The following NTNG1 variants were observed in gnomAD, a reference collection of about 807,000 sequenced individuals.
NTNG1 encodes the protein netrin G1.
A neutral mutation model predicts 54.0 loss-of-function variants in NTNG1; 16 were observed. The observed-to-expected ratio is 0.30, with a 90% CI of 0.20 to 0.45. The LOEUF is 0.45. Among genes scored for constraint, NTNG1 ranks in the 20% least tolerant of loss-of-function variants. The pLI is 1.00. For synonymous variants in NTNG1, 255 were observed against 263.1 expected, an observed-to-expected ratio of 0.97 and a Z score of 0.30; for missense variants, 530 against 678.7, an observed-to-expected ratio of 0.78 and a Z score of 2.43.
chr1:107,338,264 G>C (rs1668700970), intron 3 of NTNG1, among the ~76,000 whole-genome samples: 1 of 151,978 alleles, frequency 6.6e-6, no homozygotes, highest in South Asian at 2.1e-4. Context: ...AAGTAGGTTT[G>C]CCCCTAACAT....
chr1:107,376,553 A>G (rs572422842), intron 3 of NTNG1, among the ~76,000 whole-genome samples: 1 of 152,316 alleles, frequency 6.6e-6, no homozygotes, highest in East Asian at 1.9e-4. Flanking sequence ...AAACCCTGTG[A>G]GGAGCCTGAG....
At chr1:107,355,244 C>T (rs1669866486) in intron 3 of NTNG1, among the ~76,000 whole-genome samples, 1 of 151,288 alleles carries the variant, frequency 6.6e-6, no homozygotes. Context: ...AAAGTCTTTA[C>T]AGGTCTAGTC....
chr1:107,482,448 T>A lies in NTNG1; in HGVS notation c.*1608T>A, dbSNP rs1034788576. On this transcript the variant is annotated 3_prime_UTR_variant, in exon 8 of 8. Coordinates refer to ENST00000370068, the MANE Select transcript of NTNG1 (RefSeq NM_001113226.3). Reference sequence around the variant, plus strand: ...TTGTTTCTGCCTTTTATTAGGCCAATTACTGTGCAAGACAGCAAGGGGAGG... The same window carrying A: ...TTGTTTCTGCCTTTTATTAGGCCAAATACTGTGCAAGACAGCAAGGGGAGG... 2 of 152,222 alleles carry A rather than the reference T, an allele frequency of 1.3e-5. No homozygotes were observed. The highest frequency in any genetic ancestry group is 2.9e-5 in the Non-Finnish European group (2 of 68,036). The allele number at this position is 152,222 out of a possible 1,614,324, so 9.4% of individuals were successfully genotyped here.
chr1:107,429,218 A>T (rs1473984716), intron 5 of NTNG1, among the ~76,000 whole-genome samples: 1 of 152,040 alleles, frequency 6.6e-6, no homozygotes, highest in Non-Finnish European at 1.5e-5. Flanking sequence ...ACTCTTCACC[A>T]TTTGAGTATC....
chr1:107,370,825 C>T (rs1205024244), intron 3 of NTNG1, among the ~76,000 whole-genome samples: 2 of 151,860 alleles, frequency 1.3e-5, no homozygotes, highest in Non-Finnish European at 2.9e-5. Context: ...CAAATTTAAT[C>T]GTAAGTATTT....
chr1:107,142,422 T>C (rs59657477), intron 1 of NTNG1, among the ~76,000 whole-genome samples: 2,419 of 152,092 alleles, frequency 0.016, 67 homozygotes, highest in African/African-American at 0.054. Flanking sequence ...AAGTCGCAGG[T>C]TGAGCTCCTA....
intron 3 of NTNG1, among the ~76,000 whole-genome samples, chr1:107,349,897 G>A (rs1669499665): frequency 6.6e-6 from 1 of 151,952 alleles, no homozygotes; most frequent in African/African-American, 2.4e-5. Flanking sequence ...AGAAATTTTT[G>A]GTACATGTGT....
intron 3 of NTNG1, among the ~76,000 whole-genome samples, chr1:107,394,471 G>A (rs182906912): frequency 6.8e-4 from 103 of 152,078 alleles, no homozygotes; most frequent in African/African-American, 2.4e-3. Flanking sequence ...TTTAATTAGA[G>A]TCATTTGGCC....
chr1:107,425,335 A>G (rs886623096), intron 5 of NTNG1, among the ~76,000 whole-genome samples: 1 of 151,942 alleles, frequency 6.6e-6, no homozygotes, highest in African/African-American at 2.4e-5. Flanking sequence ...CAACCCTCAA[A>G]CATCCCCCAT....
At chr1:107,435,832 T>C (rs1675561930) in intron 6 of NTNG1, among the ~76,000 whole-genome samples, 1 of 152,182 alleles carries the variant, frequency 6.6e-6, no homozygotes, top group South Asian at 2.1e-4. Context: ...CTACCTGCAC[T>C]ATCTTTCCAG....
intron 2 of NTNG1, among the ~76,000 whole-genome samples, chr1:107,314,663 T>G (rs1385953472): frequency 6.6e-6 from 1 of 152,180 alleles, no homozygotes; most frequent in African/African-American, 2.4e-5. Flanking sequence ...AAATATATGA[T>G]CTGCAGCCTG....
chr1:107,183,048 A>G (rs1336284638), intron 2 of NTNG1, among the ~76,000 whole-genome samples: 3 of 152,200 alleles, frequency 2.0e-5, no homozygotes, highest in African/African-American at 7.2e-5. Flanking sequence ...ACATTGTTTC[A>G]TCAACACAGG....
intron 7 of NTNG1, among the ~76,000 whole-genome samples, chr1:107,443,539 G>A (rs1462342111): frequency 1.3e-5 from 2 of 152,056 alleles, no homozygotes; most frequent in African/African-American, 2.4e-5. Flanking sequence ...CGCCTAACTT[G>A]TAATTTTTCA....
intron 5 of NTNG1, among the ~76,000 whole-genome samples, chr1:107,419,522 G>A (rs1674445040): frequency 6.6e-6 from 1 of 151,316 alleles, no homozygotes; most frequent in Non-Finnish European, 1.5e-5. Context: ...GCAGTGTAAT[G>A]TTAAATTTAT....
intron 2 of NTNG1, among the ~76,000 whole-genome samples, chr1:107,305,978 G>A (rs1393944232): frequency 6.6e-6 from 1 of 151,902 alleles, no homozygotes; most frequent in East Asian, 1.9e-4. Context: ...CCCTTTCCTG[G>A]ACTACTGCTG....
At chr1:107,178,639 A>G (rs1656830129) in intron 2 of NTNG1, among the ~76,000 whole-genome samples, 1 of 151,974 alleles carries the variant, frequency 6.6e-6, no homozygotes, top group South Asian at 2.1e-4. Flanking sequence ...TTTCTATTTT[A>G]CTCTCACCTT....
intron 4 of NTNG1, among the ~76,000 whole-genome samples, chr1:107,402,473 T>C (rs1047245070): frequency 1.3e-5 from 2 of 152,144 alleles, no homozygotes; most frequent in Non-Finnish European, 2.9e-5. Context: ...TCTTCAGATA[T>C]GCTAACATGG....
chr1:107,278,021 C>T (rs72699348), intron 2 of NTNG1, among the ~76,000 whole-genome samples: 6,031 of 152,246 alleles, frequency 0.04, 128 homozygotes, highest in Non-Finnish European at 0.052. Flanking sequence ...ATTAAAAACA[C>T]GTGATTGGTT....
Position 107,482,115 on chromosome 1 carries a change from G to A in NTNG1, c.*1275G>A, listed in dbSNP as rs536086258. 1.4e-5 allele frequency: 2 copies of A among 144,678 alleles called. No homozygotes were observed. Among genetic ancestry groups the A allele is most frequent in the Non-Finnish European group, 3.0e-5 (2 of 66,758 alleles). The allele number at this position is 144,678 out of a possible 1,614,324, so 9.0% of individuals were successfully genotyped here. On this transcript the variant is annotated 3_prime_UTR_variant, in exon 8 of 8. Coordinates refer to ENST00000370068, the MANE Select transcript of NTNG1 (RefSeq NM_001113226.3). Reference sequence around the variant, plus strand: ...GATTGCCAAGATTATGCCAAAGCCTGTTGGCAGAGTACTAAGAGACTTTTA... The same window carrying A: ...GATTGCCAAGATTATGCCAAAGCCTATTGGCAGAGTACTAAGAGACTTTTA...
Sources: allele counts gnomAD v4.1 joint callset (sites outside exome capture counted in the v4.1 genomes callset), GRCh38; gene constraint gnomAD v4.1.1; transcripts MANE v1.5; gene names NCBI Gene and HGNC (gene_info 2026-07-23, HGNC 2026-07-21).